PSIP1: variants seen among roughly 807,000 people sequenced by gnomAD.
The protein encoded by PSIP1 is PC4 and SFRS1-interacting protein.
Under a neutral mutation model 74.7 loss-of-function variants are expected in PSIP1, and 19 were observed. The observed-to-expected ratio is 0.25, with a 90% CI of 0.18 to 0.37. PSIP1 has a LOEUF of 0.37. PSIP1 is among the 10% of genes least tolerant of loss of function. PSIP1 has a pLI of 1.00. For missense variants in PSIP1, 601 were observed against 614.3 expected (o/e 0.98, Z 0.23); for synonymous variants, 222 against 195.3 (o/e 1.14, Z -1.14).
At chr9:15,486,170 G>T in intron 5 of PSIP1, 102 bp from the exon 6 acceptor site, 2 of 946,950 alleles carry the variant, frequency 2.1e-6, no homozygotes, top group Non-Finnish European at 3.2e-6. Context: ...TGAAAGCATT[G>T]GGGAAATCTG....
intron 1 of PSIP1, 91 bp from the exon 2 acceptor site, chr9:15,510,420 G>GGT: frequency 1.1e-5 from 2 of 189,066 alleles, no homozygotes; most frequent in Admixed American, 6.8e-5. Flanking sequence ...GTGGGGGTGG[G>GGT]AGAGCGAGGG....
chr9:15,505,641 T>C (rs961466361), intron 3 of PSIP1: 5 of 152,234 alleles, frequency 3.3e-5, no homozygotes, highest in African/African-American at 1.2e-4. Flanking sequence ...ATCAAAAGGT[T>C]ATGATAGTCA....
intron 3 of PSIP1, among the ~76,000 whole-genome samples, chr9:15,500,647 T>C (rs1375487047): frequency 6.6e-6 from 1 of 152,170 alleles, no homozygotes; most frequent in Non-Finnish European, 1.5e-5. Context: ...GTCACCACTA[T>C]CAGTACCTCT....
chr9:15,466,959 G>A (rs1021402902), intron 14 of PSIP1, 100 bp from the exon 15 acceptor site: 18 of 799,962 alleles, frequency 2.3e-5, no homozygotes, highest in African/African-American at 7.1e-5. Context: ...CATGGCCATC[G>A]TGTTTCTACT....
intron 3 of PSIP1, among the ~76,000 whole-genome samples, chr9:15,500,849 T>C (rs547387196): frequency 5.9e-5 from 9 of 152,344 alleles, no homozygotes; most frequent in East Asian, 5.8e-4. Flanking sequence ...TAGGTAGGAA[T>C]AGTCCCTGAA....
At chr9:15,467,472 A>T (rs913624095) in intron 14 of PSIP1, among the ~76,000 whole-genome samples, 1 of 152,182 alleles carries the variant, frequency 6.6e-6, no homozygotes, top group Non-Finnish European at 1.5e-5. Flanking sequence ...AGACTGGAGG[A>T]GCTGATAATG....
chr9:15,504,736 CAAAA>C (rs576748638), intron 3 of PSIP1, among the ~76,000 whole-genome samples: 1 of 102,272 alleles, frequency 9.8e-6, no homozygotes, highest in Non-Finnish European at 2.1e-5. Context: ...GACTCGGTCT[CAAAA>C]AAAAAAAAAA....
rs925126838 is a variant in PSIP1, at chr9:15,468,691, C to A, written c.1359G>T (p.Ala453=). 6.2e-7 allele frequency: 1 copy of A among 1,614,032 alleles called. No homozygotes were observed. Among genetic ancestry groups the A allele is most frequent in the Admixed American group, 1.7e-5 (1 of 60,008 alleles). ...TCTTCCCTTGATCTTTGGTTTTATT[C>A]GCTTCCTCATGCTGTCTTTGTTCAG... ...SLAEQRQHEE[A]NKTKDQGKKG... is the part of the protein sequence containing the mutation. The change falls in exon 14 of 16, where the codon GCG becomes GCT. Residue 453 remains alanine (A), a synonymous_variant. Coordinates refer to ENST00000380733, the MANE Select transcript of PSIP1 (RefSeq NM_033222.5).
chr9:15,493,906 G>A (rs868325828), intron 3 of PSIP1, among the ~76,000 whole-genome samples: 1 of 152,124 alleles, frequency 6.6e-6, no homozygotes, highest in South Asian at 2.1e-4. Context: ...CATATCAGTA[G>A]GTCAGGGACC....
chr9:15,472,840 A>G (rs2035899236), intron 9 of PSIP1, 90 bp from the exon 10 acceptor site: 3 of 1,276,654 alleles, frequency 2.3e-6, no homozygotes, highest in Admixed American at 5.0e-5. Flanking sequence ...AGCAGCAGCT[A>G]GTTTTTAAAA....
Position 15,470,646 on chromosome 9 carries a change from A to T in PSIP1, c.978-653T>A, listed in dbSNP as rs190509312. 740 of 916,416 alleles carry T rather than the reference A, an allele frequency of 8.1e-4. 2 individuals carry two copies. The highest frequency in any genetic ancestry group is 1.7e-3 in the Middle Eastern group (3 of 1,778). The allele number at this position is 916,416 out of a possible 1,614,324, so 56.8% of individuals were successfully genotyped here. A position where few individuals can be genotyped will look rare whatever the true frequency, so the allele number is the denominator to read the frequency against. Reference sequence around the variant, plus strand: ...TATCTAAAAATCAGGTTTTTTTTTTAAAAAAAACTTTATTTTAAAATTTTG... The same window carrying T: ...TATCTAAAAATCAGGTTTTTTTTTTTAAAAAAACTTTATTTTAAAATTTTG... On this transcript the variant is annotated intron_variant, in intron 10 of 15. Coordinates refer to ENST00000380733, the MANE Select transcript of PSIP1 (RefSeq NM_033222.5).
Position 15,490,048 on chromosome 9 carries a change from CT to C in PSIP1, c.225del (p.Gly76ValfsTer9). On this transcript the variant is annotated frameshift_variant, in exon 4 of 16. Coordinates refer to ENST00000380733, the MANE Select transcript of PSIP1 (RefSeq NM_033222.5). LOFTEE classifies it high-confidence loss of function. ...ATCTCCCATAAACCTTCATTAAAACCTTTTCTTTTATTTGGTTTGCCATACT... is the reference window on the plus strand; with the variant it reads ...ATCTCCCATAAACCTTCATTAAAACCTTTCTTTTATTTGGTTTGCCATACT... ...KEKYGKPNKR[K>X]GFNEGLWEID... 6.2e-7 allele frequency: 1 copy of C among 1,604,602 alleles called. No individual in the cohort carries two copies.
chr9:15,471,590 T>C, intron 10 of PSIP1: 1 of 951,414 alleles, frequency 1.1e-6, no homozygotes, highest in Non-Finnish European at 1.3e-6. Context: ...CTTAAATATT[T>C]ACAGAAGTGC....
At chr9:15,485,841 G>C (rs1157482315) in intron 6 of PSIP1, 165 bp downstream of exon 6, 1 of 566,880 alleles carries the variant, frequency 1.8e-6, no homozygotes, top group Middle Eastern at 4.1e-4. Flanking sequence ...ATATCACTAA[G>C]AAAGAAACAC....
intron 3 of PSIP1, among the ~76,000 whole-genome samples, chr9:15,495,222 T>A (rs978361690): frequency 6.6e-6 from 1 of 151,990 alleles, no homozygotes; most frequent in South Asian, 2.1e-4. Context: ...AAACCTCAAA[T>A]ATTTATTTTT....
At chr9:15,494,680 T>C (rs1196926065) in intron 3 of PSIP1, among the ~76,000 whole-genome samples, 2 of 152,126 alleles carry the variant, frequency 1.3e-5, no homozygotes, top group Non-Finnish European at 2.9e-5. Context: ...TATCCATGTA[T>C]TTTAACTGCA....
At chr9:15,509,658 T>C (rs1328447943) in intron 2 of PSIP1, among the ~76,000 whole-genome samples, 2 of 152,000 alleles carry the variant, frequency 1.3e-5, no homozygotes, top group Non-Finnish European at 2.9e-5. Context: ...GTACAAGGTA[T>C]TTTTTTTAAA....
chr9:15,474,975 T>C (rs956949236), intron 8 of PSIP1, among the ~76,000 whole-genome samples: 5 of 152,196 alleles, frequency 3.3e-5, no homozygotes, highest in African/African-American at 7.2e-5. Context: ...ATTTGAGAGC[T>C]TGAAGAGACT....
rs2036546503 is a variant in PSIP1, at chr9:15,486,076, A to G, written c.394-8T>C. ...AACTGCTTTAGTCACATCCTAAAAA[A>G]GAAAAAAGAAAACTGAATACTGAAT... is the stretch of plus-strand genomic sequence containing the variant. On this transcript the variant is annotated splice_polypyrimidine_tract_variant and splice_region_variant and intron_variant, in intron 5 of 15. Transcript: ENST00000380733. 2.5e-6 allele frequency: 4 copies of G among 1,582,806 alleles called. No individual in the cohort carries two copies. In the East Asian group the frequency reaches 9.0e-5, roughly 35 times the overall value.
Sources: gnomAD v4.1 joint callset for allele counts (sites outside exome capture counted in the v4.1 genomes callset) on GRCh38, gnomAD v4.1.1 for gene constraint, MANE v1.5 for transcripts, NCBI Gene and HGNC (gene_info 2026-07-23, HGNC 2026-07-21) for gene names.